ZNF385D: variants seen among roughly 807,000 people sequenced by gnomAD.
ZNF385D encodes zinc finger protein 659.
A neutral mutation model predicts 35.8 loss-of-function variants in ZNF385D; 15 were observed. The observed-to-expected ratio is 0.42, with a 90% CI of 0.28 to 0.64. The LOEUF is 0.64. Among genes scored for constraint, ZNF385D ranks in the 30% least tolerant of loss-of-function variants. ZNF385D has a pLI of 0.23. For synonymous variants in ZNF385D, 212 were observed against 186.8 expected (o/e 1.13, Z -1.10); for missense variants, 474 against 494.6 (o/e 0.96, Z 0.39).
At chr3:22,180,905 G>GCTTTTGTT (rs1695206543) in intron 2 of ZNF385D, among the ~76,000 whole-genome samples, 23 of 79,510 alleles carry the variant, frequency 2.9e-4, no homozygotes, top group African/African-American at 1.9e-3. Flanking sequence ...GTAGCTATAT[G>GCTTTTGTT]CTTTTGTTCT....
chr3:22,144,396 A>G (rs1704712958), intron 3 of ZNF385D, among the ~76,000 whole-genome samples: 1 of 152,018 alleles, frequency 6.6e-6, no homozygotes, highest in South Asian at 2.1e-4. Flanking sequence ...CAATAGGGTG[A>G]AACCCCCTCT....
At chr3:22,356,330 T>C (rs1420407326) in intron 2 of ZNF385D, among the ~76,000 whole-genome samples, 2 of 151,992 alleles carry the variant, frequency 1.3e-5, no homozygotes, top group Non-Finnish European at 2.9e-5. Flanking sequence ...GTTTTGTATA[T>C]GCTGTTGTTT....
chr3:22,122,612 T>C (rs1287036051), intron 3 of ZNF385D, among the ~76,000 whole-genome samples: 1 of 151,778 alleles, frequency 6.6e-6, no homozygotes, highest in Non-Finnish European at 1.5e-5. Flanking sequence ...GAGAAAAAAA[T>C]AAGATAATAA....
rs139236369 is a variant in ZNF385D, at chr3:22,186,860, T to A, written c.107-17825A>T. Among the ~76,000 whole-genome samples, 231 of 152,326 alleles carry A rather than the reference T, an allele frequency of 1.5e-3. 1 individual carries two copies. The highest frequency in any genetic ancestry group is 5.2e-3 in the African/African-American group (215 of 41,574). The stretch of plus-strand genomic sequence containing the variant: ...AAGGACATTAATGAAAATGTCAGTA[T>A]TTTTAGTGTTTGTTTATAAATGATT... On this transcript the variant is annotated intron_variant, in intron 2 of 5. Transcript: ENST00000494108.
At chr3:22,335,171 T>G (rs1322455811) in intron 2 of ZNF385D, among the ~76,000 whole-genome samples, 2 of 152,138 alleles carry the variant, frequency 1.3e-5, no homozygotes, top group Admixed American at 6.5e-5. Flanking sequence ...TAGGCCTTGA[T>G]GCTGTTATAA....
chr3:22,132,470 A>C (rs1223623798), intron 3 of ZNF385D, among the ~76,000 whole-genome samples: 2 of 152,174 alleles, frequency 1.3e-5, no homozygotes, highest in African/African-American at 4.8e-5. Context: ...AAAATACACA[A>C]TTTAAGCTGA....
chr3:22,163,039 A>G (rs905866789), intron 3 of ZNF385D, among the ~76,000 whole-genome samples: 6 of 152,164 alleles, frequency 3.9e-5, no homozygotes, highest in African/African-American at 1.4e-4. Flanking sequence ...TGAAGCTGGA[A>G]TGGACTTTCA....
intron 3 of ZNF385D, among the ~76,000 whole-genome samples, chr3:21,530,761 T>C (rs1243070065): frequency 1.3e-5 from 2 of 152,128 alleles, no homozygotes; most frequent in Admixed American, 1.3e-4. Context: ...CACTGCTCTA[T>C]GTCCATCTAA....
chr3:22,284,512 G>A (rs1341102098), intron 2 of ZNF385D, among the ~76,000 whole-genome samples: 1 of 151,722 alleles, frequency 6.6e-6, no homozygotes, highest in South Asian at 2.1e-4. Context: ...TTTTTTTAAT[G>A]ACCCAAATCT....
chr3:22,372,280 G>C (rs1301779703), intron 2 of ZNF385D, among the ~76,000 whole-genome samples: 1 of 152,064 alleles, frequency 6.6e-6, no homozygotes, highest in African/African-American at 2.4e-5. Context: ...GCGGGATACC[G>C]AAAAGGTGGT....
intron 3 of ZNF385D, among the ~76,000 whole-genome samples, chr3:21,930,559 CTTATAT>C (rs1364476515): frequency 1.3e-5 from 2 of 152,010 alleles, no homozygotes; most frequent in Non-Finnish European, 2.9e-5. Flanking sequence ...AATAAGAGAA[CTTATAT>C]TTATCAATTG....
chr3:22,263,519 A>G (rs1700741113), intron 2 of ZNF385D, among the ~76,000 whole-genome samples: 1 of 151,996 alleles, frequency 6.6e-6, no homozygotes, highest in African/African-American at 2.4e-5. Flanking sequence ...GAATGGATGC[A>G]ATATTATACA....
At chr3:21,727,649 T>A (rs1224503115) in intron 1 of ZNF385D, among the ~76,000 whole-genome samples, 1 of 152,134 alleles carries the variant, frequency 6.6e-6, no homozygotes, top group Non-Finnish European at 1.5e-5. Flanking sequence ...TGGCAATCAT[T>A]AAAAAGTCAG....
intron 5 of ZNF385D, 69 bp downstream of exon 5, chr3:21,436,901 A>C: frequency 1.4e-6 from 2 of 1,419,264 alleles, no homozygotes; most frequent in Non-Finnish European, 1.9e-6. Context: ...CTGCTGCAAA[A>C]GATCTAATCT....
chr3:22,220,388 C>G (rs1190640625), intron 2 of ZNF385D, among the ~76,000 whole-genome samples: 1 of 151,732 alleles, frequency 6.6e-6, no homozygotes, highest in Non-Finnish European at 1.5e-5. Context: ...ATCTCTGACT[C>G]TAATTTCTCC....
intron 3 of ZNF385D, among the ~76,000 whole-genome samples, chr3:21,968,766 T>G (rs1001937784): frequency 6.6e-6 from 1 of 152,152 alleles, no homozygotes; most frequent in Non-Finnish European, 1.5e-5. Context: ...GAGCTATGCT[T>G]GCTTTAGGTG....
intron 3 of ZNF385D, among the ~76,000 whole-genome samples, chr3:22,109,312 A>C (rs1450853239): frequency 6.6e-6 from 1 of 152,124 alleles, no homozygotes; most frequent in Admixed American, 6.6e-5. Flanking sequence ...TAGGCATTAC[A>C]AAAATATGAA....
chr3:21,885,782 A>G (rs958159783), intron 3 of ZNF385D, among the ~76,000 whole-genome samples: 3 of 126,340 alleles, frequency 2.4e-5, no homozygotes, highest in Non-Finnish European at 5.4e-5. Context: ...GTGTGTAGAA[A>G]GAAAGAGAGA....
chr3:22,201,655 T>C (rs761462980), intron 2 of ZNF385D, among the ~76,000 whole-genome samples: 2 of 152,052 alleles, frequency 1.3e-5, no homozygotes, highest in Non-Finnish European at 2.9e-5. Flanking sequence ...ATGTTTAATA[T>C]TGTTTTTCTC....
Sources: allele counts gnomAD v4.1 joint callset (sites outside exome capture counted in the v4.1 genomes callset), GRCh38; gene constraint gnomAD v4.1.1; transcripts MANE v1.5; gene names NCBI Gene and HGNC (gene_info 2026-07-23, HGNC 2026-07-21).